Variants in TLN2 observed in about 807,000 individuals in gnomAD.
TLN2 encodes the protein talin 2, also known as talin-2.
Under a neutral mutation model 294.7 loss-of-function variants are expected in TLN2, and 118 were observed. The ratio of observed to expected loss-of-function variants is 0.40; its 90% CI spans 0.34 to 0.47. The LOEUF (loss-of-function observed/expected upper bound fraction) is 0.47. Among genes scored for constraint, TLN2 ranks in the 20% least tolerant of loss-of-function variants. The pLI, the probability that TLN2 is intolerant of heterozygous loss-of-function variation, is 0.84. For synonymous variants in TLN2, 1,431 were observed against 1,304.5 expected (o/e 1.10, Z -2.09); for missense variants, 3,083 against 3,282.2 (o/e 0.94, Z 1.48).
At chr15:62,665,906 G>C (rs890148385) in intron 9 of TLN2, among the ~76,000 whole-genome samples, 5 of 152,176 alleles carry the variant, frequency 3.3e-5, no homozygotes, top group African/African-American at 1.2e-4. Context: ...GCAATAAAAA[G>C]CCACTTGCGT....
intron 38 of TLN2, 147 bp downstream of exon 38, chr15:62,761,968 A>AACT: frequency 9.0e-7 from 1 of 1,116,118 alleles, no homozygotes; most frequent in Non-Finnish European, 1.3e-6. Context: ...GTGCACAGTT[A>AACT]GTGAAACACA....
At chr15:62,735,571 C>A (rs2060966341) in intron 28 of TLN2, among the ~76,000 whole-genome samples, 1 of 152,200 alleles carries the variant, frequency 6.6e-6, no homozygotes, top group African/African-American at 2.4e-5. Flanking sequence ...AAATTAAAAT[C>A]CGATGCTACC....
At chr15:62,778,964 G>A (rs183900536) in intron 43 of TLN2, among the ~76,000 whole-genome samples, 1 of 152,328 alleles carries the variant, frequency 6.6e-6, no homozygotes, top group African/African-American at 2.4e-5. Flanking sequence ...GGGTCCCTGT[G>A]CAGCAAGCGT....
chr15:62,584,862 C>T (rs919566860), intron 1 of TLN2, among the ~76,000 whole-genome samples: 5 of 152,208 alleles, frequency 3.3e-5, no homozygotes, highest in African/African-American at 1.2e-4. Context: ...TCACTTCAAG[C>T]CAAGAGTAAT....
At chr15:62,556,139 T>A (rs985805738) in intron 1 of TLN2, among the ~76,000 whole-genome samples, 3 of 151,964 alleles carry the variant, frequency 2.0e-5, no homozygotes, top group Admixed American at 1.3e-4. Context: ...TGGTTTTTTT[T>A]AATGTCATGT....
intron 29 of TLN2, among the ~76,000 whole-genome samples, chr15:62,737,553 T>TG (rs2061091939): frequency 6.6e-6 from 1 of 152,154 alleles, no homozygotes; most frequent in Non-Finnish European, 1.5e-5. Flanking sequence ...GTCCTGGACG[T>TG]GGGGCTGGGA....
intron 1 of TLN2, among the ~76,000 whole-genome samples, chr15:62,570,085 T>C (rs531988089): frequency 6.6e-6 from 1 of 152,320 alleles, no homozygotes; most frequent in South Asian, 2.1e-4. Flanking sequence ...TTTCCTCTTC[T>C]TAAGACTCTT....
intron 3 of TLN2, among the ~76,000 whole-genome samples, chr15:62,634,823 C>T (rs2050228294): frequency 6.6e-6 from 1 of 152,258 alleles, no homozygotes; most frequent in African/African-American, 2.4e-5. Context: ...TCACCATGCA[C>T]ATCCACATGG....
intron 44 of TLN2, 90 bp from the exon 45 acceptor site, chr15:62,783,681 C>G: frequency 1.4e-6 from 2 of 1,468,362 alleles, no homozygotes; most frequent in Non-Finnish European, 1.8e-6. Flanking sequence ...AACCCTTTGG[C>G]TTCCAGTGAT....
chr15:62,705,169 G>C, intron 19 of TLN2, among the ~76,000 whole-genome samples: 1 of 152,298 alleles, frequency 6.6e-6, no homozygotes, highest in Middle Eastern at 3.4e-3. Flanking sequence ...TCAGGTTCAG[G>C]GTGACAGTCC....
At chr15:62,586,975 AAGAT>A (rs1478601227) in intron 1 of TLN2, among the ~76,000 whole-genome samples, 10 of 152,226 alleles carry the variant, frequency 6.6e-5, no homozygotes, top group African/African-American at 2.4e-4. Context: ...GATGATTGAG[AAGAT>A]AGATGGAAAA....
rs542737932 is a variant in TLN2, at chr15:62,736,139, C to T, written c.3359-739C>T. On this transcript the variant is annotated intron_variant, in intron 28 of 58. Coordinates refer to ENST00000636159, the MANE Select transcript of TLN2 (RefSeq NM_015059.3). ...CATCCTGGCTAACACAGTGAAACCC[C>T]GTCTCTACTAAAAAAAGAAAATACA... Among the ~76,000 whole-genome samples, 18 of 152,012 alleles carry T rather than the reference C, an allele frequency of 1.2e-4. 1 individual carries two copies. In the South Asian group the frequency reaches 3.3e-3, roughly 28 times the overall value.
At chr15:62,676,477 G>A (rs1308209027) in intron 11 of TLN2, among the ~76,000 whole-genome samples, 2 of 152,134 alleles carry the variant, frequency 1.3e-5, no homozygotes, top group African/African-American at 4.8e-5. Flanking sequence ...GTATTTAAAT[G>A]GCACTGGTGC....
At chr15:62,630,313 A>G (rs1001072132) in intron 3 of TLN2, among the ~76,000 whole-genome samples, 2 of 152,174 alleles carry the variant, frequency 1.3e-5, no homozygotes, top group African/African-American at 4.8e-5. Context: ...ACCTTCCTTA[A>G]AAGTTGTCTA....
At chr15:62,479,086 T>G (rs1357280519) in intron 1 of TLN2, among the ~76,000 whole-genome samples, 1 of 152,214 alleles carries the variant, frequency 6.6e-6, no homozygotes, top group Non-Finnish European at 1.5e-5. Flanking sequence ...CAGGATCGAA[T>G]CAGATCTTAA....
chr15:62,692,603 A>G (rs557379961), intron 12 of TLN2, among the ~76,000 whole-genome samples: 4 of 152,230 alleles, frequency 2.6e-5, no homozygotes, highest in East Asian at 3.9e-4. Flanking sequence ...CAAGAACTCA[A>G]CCACATTGTG....
chr15:62,738,463 A>C, intron 30 of TLN2, 130 bp downstream of exon 30: 2 of 1,276,212 alleles, frequency 1.6e-6, no homozygotes, highest in Non-Finnish European at 2.1e-6. Context: ...TTTTCCCGCC[A>C]GTCTTTGTTT....
intron 1 of TLN2, among the ~76,000 whole-genome samples, chr15:62,588,115 C>T (rs1485884203): frequency 2.0e-5 from 3 of 152,036 alleles, no homozygotes; most frequent in Non-Finnish European, 2.9e-5. Flanking sequence ...ATCCTGACCT[C>T]GTGATCTGCC....
At chr15:62,557,738 A>G (rs1046108987) in intron 1 of TLN2, among the ~76,000 whole-genome samples, 4 of 152,186 alleles carry the variant, frequency 2.6e-5, no homozygotes, top group Non-Finnish European at 5.9e-5. Flanking sequence ...ACGGGGTTTC[A>G]CTATGTTGGC....
Sources: allele counts gnomAD v4.1 joint callset (sites outside exome capture counted in the v4.1 genomes callset), GRCh38; gene constraint gnomAD v4.1.1; transcripts MANE v1.5; gene names NCBI Gene and HGNC (gene_info 2026-07-23, HGNC 2026-07-21).